ZPLD1: variants seen among roughly 807,000 people sequenced by gnomAD.
ZPLD1 encodes zona pellucida like domain containing 1.
Under a neutral mutation model 47.2 loss-of-function variants are expected in ZPLD1, and 34 were observed. That is an observed-to-expected ratio of 0.72 (90% confidence interval 0.55 to 0.96). The LOEUF is 0.96. Among genes scored for constraint, ZPLD1 ranks in the 40% least tolerant of loss-of-function variants. The pLI, the probability that ZPLD1 is intolerant of heterozygous loss-of-function variation, is 0.00. For synonymous variants in ZPLD1, 176 were observed against 186.2 expected, an observed-to-expected ratio of 0.95 and a Z score of 0.45; for missense variants, 512 against 505.8, an observed-to-expected ratio of 1.01 and a Z score of -0.12.
intron 4 of ZPLD1, among the ~76,000 whole-genome samples, chr3:102,455,436 C>T (rs1707398364): frequency 6.6e-6 from 1 of 152,098 alleles, no homozygotes; most frequent in Non-Finnish European, 1.5e-5. Flanking sequence ...GTTCTTGAAC[C>T]CCCAAAACCC....
At chr3:102,432,350 G>T (rs942832905), upstream of ZPLD1, among the ~76,000 whole-genome samples, 2 of 152,128 alleles carry the variant, frequency 1.3e-5, no homozygotes, top group African/African-American at 2.4e-5. Context: ...CGATGCCAAA[G>T]AACTCATTTC....
At chr3:102,435,580 C>A (rs1306183219) in intron 1 of ZPLD1, among the ~76,000 whole-genome samples, 1 of 151,794 alleles carries the variant, frequency 6.6e-6, no homozygotes, top group Non-Finnish European at 1.5e-5. Context: ...TCTGTATGTC[C>A]AAACTATACT....
chr3:102,470,023 G>C (rs1473258245), intron 9 of ZPLD1, among the ~76,000 whole-genome samples: 2 of 152,062 alleles, frequency 1.3e-5, no homozygotes, highest in African/African-American at 2.4e-5. Flanking sequence ...ATGACAGATG[G>C]GGGTAAATGG....
chr3:102,459,006 C>G (rs551887062), intron 6 of ZPLD1, among the ~76,000 whole-genome samples: 1 of 139,998 alleles, frequency 7.1e-6, no homozygotes, highest in Non-Finnish European at 1.5e-5. Flanking sequence ...AGGAGAATGG[C>G]GTGAACCCGG....
chr3:102,394,024 A>G (rs1706530656), intron 7 of ZPLD1, among the ~76,000 whole-genome samples: 2 of 152,158 alleles, frequency 1.3e-5, no homozygotes, highest in Non-Finnish European at 2.9e-5. Flanking sequence ...ACAAGTAACA[A>G]CCTTTCAAAG....
chr3:102,391,079 C>G (rs74470186), intron 6 of ZPLD1, among the ~76,000 whole-genome samples: 1 of 152,174 alleles, frequency 6.6e-6, no homozygotes, highest in African/African-American at 2.4e-5. Context: ...TATATTTTGG[C>G]TTTCTTAACT....
At chr3:102,387,954 G>T (rs1005311203) in intron 6 of ZPLD1, among the ~76,000 whole-genome samples, 1 of 144,594 alleles carries the variant, frequency 6.9e-6, no homozygotes, top group Non-Finnish European at 1.5e-5. Flanking sequence ...TCCGCCTCCT[G>T]GGCTCACGCC....
intron 7 of ZPLD1, among the ~76,000 whole-genome samples, chr3:102,463,872 T>C (rs1707546938): frequency 9.0e-6 from 1 of 111,378 alleles, no homozygotes; most frequent in East Asian, 2.1e-4. Flanking sequence ...ACCCCGTCTC[T>C]ATTAAAAATA....
intron 3 of ZPLD1, among the ~76,000 whole-genome samples, chr3:102,450,244 C>T (rs1016596709): frequency 3.5e-4 from 54 of 152,200 alleles, no homozygotes; most frequent in African/African-American, 1.2e-3. Context: ...TTTAAAAATG[C>T]CGTACTGAGG....
chr3:102,457,794 A>G lies in ZPLD1; in HGVS notation c.523A>G (p.Ile175Val). The change falls in exon 6 of 12, where the codon ATT becomes GTT. Residue 175 changes from isoleucine (I) to valine (V), a missense_variant. Physicochemically the swap from Ile to Val is conservative, Grantham distance 29. Transcript: ENST00000466937. ...NTQLASSSAA[I>V]SVRENNGTFV... ...AATGTGTTTTAGGTCCTCAGCGGCT[A>G]TTTCTGTGAGAGAGAACAATGGCAC... 1 of 1,613,936 alleles carries G rather than the reference A, an allele frequency of 6.2e-7. No individual in the cohort carries two copies. The highest frequency in any genetic ancestry group is 8.5e-7 in the Non-Finnish European group (1 of 1,179,924).
intron 2 of ZPLD1, among the ~76,000 whole-genome samples, 159 bp from the exon 3 acceptor site, chr3:102,438,321 G>A (rs1388294925): frequency 6.6e-6 from 1 of 152,186 alleles, no homozygotes; most frequent in East Asian, 1.9e-4. Flanking sequence ...CCAAATATCT[G>A]CCTTTACTAC....
In ZPLD1 at chr3:102,449,799, T is replaced by C. The variant is rs1382719810; in HGVS notation, c.107-3120T>C. Among the ~76,000 whole-genome samples the C allele has an allele frequency of 2.6e-5, 4 of 152,326 alleles. No individual in the cohort carries two copies. In the East Asian group the frequency reaches 5.8e-4, roughly 22 times the overall value. On this transcript the variant is annotated intron_variant, in intron 3 of 11. Transcript: ENST00000466937. Reference sequence around the variant, plus strand: ...AGAACATACTATATATGTTTCATTATAATCTGTGGTTTCAGGCACCCACTG... The same window carrying C: ...AGAACATACTATATATGTTTCATTACAATCTGTGGTTTCAGGCACCCACTG...
intron 5 of ZPLD1, 125 bp downstream of exon 5, chr3:102,456,499 G>C: frequency 1.2e-6 from 1 of 800,234 alleles, no homozygotes; most frequent in African/African-American, 1.7e-5. Context: ...AATGTAATGG[G>C]AAACATATTA....
intron 3 of ZPLD1, among the ~76,000 whole-genome samples, chr3:102,440,731 GAAAAAAAAAAA>G (rs77649810): frequency 1.1e-4 from 12 of 112,870 alleles, no homozygotes; most frequent in Non-Finnish European, 2.2e-4. Context: ...TTGTGATTGG[GAAAAAAAAAAA>G]AAAAAAAAGA....
chr3:102,444,217 G>C (rs558595602), intron 3 of ZPLD1, among the ~76,000 whole-genome samples: 1 of 152,276 alleles, frequency 6.6e-6, no homozygotes, highest in East Asian at 1.9e-4. Context: ...AAAGAATGTG[G>C]AGCAGCAAGT....
chr3:102,429,130 A>G (rs1706985717), intron 8 of ZPLD1, among the ~76,000 whole-genome samples: 1 of 152,176 alleles, frequency 6.6e-6, no homozygotes, highest in African/African-American at 2.4e-5. Context: ...AGTCTATGTA[A>G]GGGCTTAATA....
intron 3 of ZPLD1, among the ~76,000 whole-genome samples, chr3:102,438,952 T>A (rs540348404): frequency 1.2e-4 from 18 of 152,258 alleles, no homozygotes; most frequent in African/African-American, 3.6e-4. Flanking sequence ...TTAGGAATAA[T>A]CTTAAGAAAA....
At chr3:102,476,205 A>T (rs1162784735) in intron 10 of ZPLD1, among the ~76,000 whole-genome samples, 1 of 152,188 alleles carries the variant, frequency 6.6e-6, no homozygotes, top group Non-Finnish European at 1.5e-5. Context: ...ATAAACAGTC[A>T]ATTGCACGCA....
intron 3 of ZPLD1, among the ~76,000 whole-genome samples, chr3:102,445,888 C>A (rs1382691648): frequency 6.6e-6 from 1 of 152,040 alleles, no homozygotes; most frequent in African/African-American, 2.4e-5. Flanking sequence ...TACAAATAAA[C>A]AAATTGCAAT....
Sources: gnomAD v4.1 joint callset for allele counts (sites outside exome capture counted in the v4.1 genomes callset) on GRCh38, gnomAD v4.1.1 for gene constraint, MANE v1.5 for transcripts, NCBI Gene and HGNC (gene_info 2026-07-23, HGNC 2026-07-21) for gene names.